PLCL1: variants seen among roughly 807,000 people sequenced by gnomAD.
PLCL1 encodes the protein phospholipase C like 1 (inactive), also known as inactive phospholipase C-like protein 1.
In PLCL1, 41 loss-of-function variants were observed where a neutral mutation model predicts 84.4. The observed-to-expected ratio is 0.49, with a 90% CI of 0.38 to 0.63. PLCL1 has a LOEUF of 0.63. Among genes scored for constraint, PLCL1 ranks in the 30% least tolerant of loss-of-function variants. PLCL1 has a pLI of 0.00. For missense variants in PLCL1, 1,206 were observed against 1,367.8 expected (o/e 0.88, Z 1.87); for synonymous variants, 490 against 488.3 (o/e 1.00, Z -0.05).
chr2:198,047,191 G>T (rs1574271994), intron 1 of PLCL1, among the ~76,000 whole-genome samples: 1 of 133,140 alleles, frequency 7.5e-6, no homozygotes, highest in African/African-American at 2.7e-5. Context: ...GTGTGTGTGT[G>T]TGTTTTGTTT....
At chr2:197,861,270 C>T (rs954083622) in intron 1 of PLCL1, among the ~76,000 whole-genome samples, 1 of 152,076 alleles carries the variant, frequency 6.6e-6, no homozygotes, top group Non-Finnish European at 1.5e-5. Context: ...TCAATCATAC[C>T]TACATAATGA....
chr2:197,872,161 C>T (rs555789522), intron 1 of PLCL1, among the ~76,000 whole-genome samples: 5 of 152,122 alleles, frequency 3.3e-5, no homozygotes, highest in African/African-American at 1.2e-4. Flanking sequence ...TTTTCTCCCC[C>T]CTGGCCTAAT....
intron 1 of PLCL1, among the ~76,000 whole-genome samples, chr2:197,862,804 G>T (rs918311639): frequency 2.6e-5 from 4 of 152,084 alleles, no homozygotes; most frequent in Non-Finnish European, 5.9e-5. Flanking sequence ...TAGAAGGATG[G>T]AATACCTTGA....
chr2:198,075,791 C>T (rs1692564428), intron 1 of PLCL1, among the ~76,000 whole-genome samples: 1 of 152,130 alleles, frequency 6.6e-6, no homozygotes, highest in Non-Finnish European at 1.5e-5. Context: ...TTCTTATTTA[C>T]TGATTTAATT....
intron 1 of PLCL1, among the ~76,000 whole-genome samples, chr2:198,029,359 T>C (rs1691351493): frequency 6.6e-6 from 1 of 152,190 alleles, no homozygotes; most frequent in Admixed American, 6.5e-5. Flanking sequence ...AGCACAAACA[T>C]ACATTTTCTA....
chr2:197,810,262 C>T (rs750863573), intron 1 of PLCL1: 3 of 1,250,192 alleles, frequency 2.4e-6, no homozygotes, highest in Admixed American at 4.8e-5. Context: ...CTTCTTATTG[C>T]AGGGTCTTTC....
intron 1 of PLCL1, among the ~76,000 whole-genome samples, chr2:198,023,733 A>G (rs1691194563): frequency 6.6e-6 from 1 of 152,254 alleles, no homozygotes; most frequent in Admixed American, 6.5e-5. Flanking sequence ...CAATCATTAA[A>G]AAGTCAGGAA....
chr2:197,850,031 G>C (rs868506985), intron 1 of PLCL1, among the ~76,000 whole-genome samples: 117 of 134,938 alleles, frequency 8.7e-4, no homozygotes, highest in Middle Eastern at 3.8e-3. Context: ...GACACACACA[G>C]ACACACACAC....
chr2:197,937,744 A>G (rs575985318), intron 1 of PLCL1, among the ~76,000 whole-genome samples: 2 of 152,340 alleles, frequency 1.3e-5, no homozygotes, highest in South Asian at 2.1e-4. Context: ...CACAGCTACA[A>G]TGAAAGATTA....
At chr2:197,837,240 G>T (rs1691211210) in intron 1 of PLCL1, among the ~76,000 whole-genome samples, 1 of 152,118 alleles carries the variant, frequency 6.6e-6, no homozygotes, top group Non-Finnish European at 1.5e-5. Flanking sequence ...CTGGATCTCA[G>T]GACAAAAGAC....
intron 1 of PLCL1, among the ~76,000 whole-genome samples, chr2:198,080,134 C>G (rs949988530): frequency 6.6e-6 from 1 of 152,164 alleles, no homozygotes; most frequent in Non-Finnish European, 1.5e-5. Context: ...ATCTAATGAG[C>G]TACACATTGG....
chr2:198,048,005 A>G lies in PLCL1; in HGVS notation c.241-35753A>G, dbSNP rs143892525. 3.0e-4 allele frequency among the ~76,000 whole-genome samples: 45 copies of G among 152,300 alleles called. 1 individual carries two copies. Among genetic ancestry groups the G allele is most frequent in the African/African-American group, 1.1e-3 (44 of 41,554 alleles). On this transcript the variant is annotated intron_variant, in intron 1 of 5. Transcript: ENST00000428675. Reference sequence around the variant, plus strand: ...CATTGCCAACCACAAAATTTCATAGAGTCAAAAAATAAAAATAAAAAAAGA... The same window carrying G: ...CATTGCCAACCACAAAATTTCATAGGGTCAAAAAATAAAAATAAAAAAAGA...
chr2:197,920,264 C>T (rs1040528649), intron 1 of PLCL1, among the ~76,000 whole-genome samples: 2 of 151,828 alleles, frequency 1.3e-5, no homozygotes, highest in Non-Finnish European at 2.9e-5. Context: ...TCAGAATGCT[C>T]ATTGGAAGAC....
At chr2:197,848,804 G>C (rs182872497) in intron 1 of PLCL1, among the ~76,000 whole-genome samples, 1 of 152,270 alleles carries the variant, frequency 6.6e-6, no homozygotes, top group East Asian at 1.9e-4. Context: ...AAGTGATGGT[G>C]TCTGGAGCCA....
intron 1 of PLCL1, among the ~76,000 whole-genome samples, chr2:197,808,315 C>A (rs1011336951): frequency 1.3e-4 from 20 of 152,112 alleles, no homozygotes; most frequent in African/African-American, 4.8e-4. Context: ...TGGATACCTG[C>A]AGTATTGATA....
intron 1 of PLCL1, among the ~76,000 whole-genome samples, chr2:197,821,649 A>C (rs1328857475): frequency 6.6e-6 from 1 of 152,130 alleles, no homozygotes; most frequent in African/African-American, 2.4e-5. Context: ...TTTCTTTTTA[A>C]GGAAGTGACC....
intron 1 of PLCL1, among the ~76,000 whole-genome samples, chr2:197,843,087 A>T (rs1179003346): frequency 6.6e-6 from 1 of 152,108 alleles, no homozygotes; most frequent in African/African-American, 2.4e-5. Context: ...TGTGTGTTTT[A>T]TCTTACACCA....
At position 198,135,594 on chromosome 2, in the gene PLCL1, G is replaced by T. The variant is rs1559117154; in HGVS notation, c.3106-11186G>T. ...AGTTGAATCATATTTTTAAAGTTTA[G>T]CTTGGGGTTTTCTATTATTCAGCTC... On this transcript the variant is annotated intron_variant, in intron 5 of 5. Transcript: ENST00000428675. Among the ~76,000 whole-genome samples, 3 of 152,100 alleles carry T rather than the reference G, an allele frequency of 2.0e-5. No homozygotes were observed. The South Asian group carries it at 6.2e-4, about 32-fold the overall frequency.
intron 1 of PLCL1, among the ~76,000 whole-genome samples, chr2:198,068,797 G>A (rs985883869): frequency 1.3e-5 from 2 of 152,152 alleles, no homozygotes; most frequent in African/African-American, 2.4e-5. Context: ...CGAGGTGGAC[G>A]GATCATCTGA....
Sources: gnomAD v4.1 joint callset for allele counts (sites outside exome capture counted in the v4.1 genomes callset) on GRCh38, gnomAD v4.1.1 for gene constraint, MANE v1.5 for transcripts, NCBI Gene and HGNC (gene_info 2026-07-23, HGNC 2026-07-21) for gene names.